HECW1: variants seen among roughly 807,000 people sequenced by gnomAD.
HECW1 encodes HECT, C2 and WW domain containing E3 ubiquitin protein ligase 1.
HECW1 carries 61 observed loss-of-function variants against 182.3 expected under a neutral mutation model. The observed-to-expected ratio is 0.33, with a 90% CI of 0.27 to 0.41. HECW1 has a LOEUF of 0.41. Among genes scored for constraint, HECW1 ranks in the 10% least tolerant of loss-of-function variants. The pLI is 1.00. For synonymous variants in HECW1, 859 were observed against 832.6 expected, an observed-to-expected ratio of 1.03 and a Z score of -0.55; for missense variants, 1,739 against 2,108.9, an observed-to-expected ratio of 0.82 and a Z score of 3.44.
intron 17 of HECW1, among the ~76,000 whole-genome samples, chr7:43,488,383 GAAGGAAGGAAGGAAGGAAAT>G (rs1366057546): frequency 1.4e-4 from 10 of 72,868 alleles, no homozygotes; most frequent in African/African-American, 4.9e-4. Context: ...AGGAAGGAAG[GAAGGAAGGAAGGAAGGAAAT>G]GAAAGAAAGA....
intron 7 of HECW1, among the ~76,000 whole-genome samples, chr7:43,405,316 C>T (rs140706775): frequency 1.1e-3 from 172 of 152,242 alleles, no homozygotes; most frequent in Non-Finnish European, 2.0e-3. Flanking sequence ...CTAGGTTCAA[C>T]AATTTGCTAG....
At chr7:43,186,702 A>G (rs1398887450) in intron 2 of HECW1, among the ~76,000 whole-genome samples, 1 of 151,780 alleles carries the variant, frequency 6.6e-6, no homozygotes, top group Non-Finnish European at 1.5e-5. Flanking sequence ...TTATCATACC[A>G]TAATTTGACT....
intron 2 of HECW1, among the ~76,000 whole-genome samples, chr7:43,233,882 A>G (rs1222770932): frequency 6.6e-6 from 1 of 152,242 alleles, no homozygotes; most frequent in African/African-American, 2.4e-5. Context: ...AGAAGCTGTG[A>G]TAGCCTCAAT....
At chr7:43,535,647 T>C (rs1036877554) in intron 24 of HECW1, among the ~76,000 whole-genome samples, 1 of 152,206 alleles carries the variant, frequency 6.6e-6, no homozygotes, top group African/African-American at 2.4e-5. Context: ...TTTTGCAGTG[T>C]ATTAAAGGAT....
At chr7:43,222,031 C>T (rs1312956538) in intron 2 of HECW1, among the ~76,000 whole-genome samples, 1 of 152,152 alleles carries the variant, frequency 6.6e-6, no homozygotes, top group African/African-American at 2.4e-5. Flanking sequence ...TCAGAATCTG[C>T]ATTTTAACAA....
intron 2 of HECW1, among the ~76,000 whole-genome samples, chr7:43,192,887 A>G (rs896112251): frequency 6.6e-6 from 1 of 152,190 alleles, no homozygotes; most frequent in African/African-American, 2.4e-5. Context: ...TCACAGGGTA[A>G]AGTGAAAGCA....
chr7:43,550,877 C>A (rs1165045599), intron 27 of HECW1, among the ~76,000 whole-genome samples: 1 of 152,246 alleles, frequency 6.6e-6, no homozygotes, highest in East Asian at 1.9e-4. Flanking sequence ...GTGAAAACAT[C>A]TAGCATCTCT....
At chr7:43,197,832 A>G (rs1337966985) in intron 2 of HECW1, among the ~76,000 whole-genome samples, 2 of 152,104 alleles carry the variant, frequency 1.3e-5, no homozygotes, top group Non-Finnish European at 2.9e-5. Flanking sequence ...AAGGATTTCA[A>G]GATGGCGACA....
chr7:43,163,449 T>C (rs1377529400), intron 2 of HECW1, among the ~76,000 whole-genome samples: 1 of 152,132 alleles, frequency 6.6e-6, no homozygotes, highest in African/African-American at 2.4e-5. Context: ...CTGCGAAGAC[T>C]GGGGAGATGG....
At chr7:43,407,882 G>A in intron 8 of HECW1, 151 bp downstream of exon 8, 1 of 684,996 alleles carries the variant, frequency 1.5e-6, no homozygotes, top group Non-Finnish European at 2.4e-6. Flanking sequence ...ATGTTCTCCA[G>A]GGGTTGCAAC....
At chr7:43,150,789 A>G (rs1376204416) in intron 2 of HECW1, 2 of 153,878 alleles carry the variant, frequency 1.3e-5, no homozygotes, top group African/African-American at 4.8e-5. Context: ...TAGGAGTCCC[A>G]AGTTGACACC....
At chr7:43,524,007 T>TA (rs5883870) in intron 24 of HECW1, among the ~76,000 whole-genome samples, 20,944 of 151,252 alleles carry the variant, frequency 0.14, 1,738 homozygotes, top group East Asian at 0.37. Context: ...TTTTTCATCT[T>TA]AAAAAAAAAG....
chr7:43,456,591 A>G, intron 13 of HECW1, 144 bp downstream of exon 13: 1 of 732,610 alleles, frequency 1.4e-6, no homozygotes, highest in Non-Finnish European at 2.0e-6. Context: ...TGTTCCTAGT[A>G]GGTATTTGGA....
intron 3 of HECW1, chr7:43,249,293 A>T (rs1584172657): frequency 6.6e-6 from 1 of 152,580 alleles, no homozygotes; most frequent in East Asian, 1.9e-4. Context: ...ACTGTTCCGG[A>T]GCGTCAGCCT....
chr7:43,525,569 C>T (rs1047401301), intron 24 of HECW1, among the ~76,000 whole-genome samples: 5 of 152,056 alleles, frequency 3.3e-5, no homozygotes, highest in East Asian at 1.9e-4. Flanking sequence ...TTAAAAATAG[C>T]GCAGCTGAAA....
chr7:43,541,138 T>C, intron 24 of HECW1, 25 bp from the exon 25 acceptor site: 1 of 1,574,884 alleles, frequency 6.3e-7, no homozygotes, highest in Non-Finnish European at 8.7e-7. Flanking sequence ...CACTTACCGA[T>C]TTCTCTGCCT....
At chr7:43,266,739 A>G (rs1801843573) in intron 3 of HECW1, among the ~76,000 whole-genome samples, 1 of 152,216 alleles carries the variant, frequency 6.6e-6, no homozygotes, top group African/African-American at 2.4e-5. Flanking sequence ...GAATAAATGT[A>G]AATAAATATC....
chr7:43,338,724 G>A (rs535995797), intron 5 of HECW1, among the ~76,000 whole-genome samples: 27 of 152,072 alleles, frequency 1.8e-4, no homozygotes, highest in South Asian at 1.5e-3. Flanking sequence ...CGTAAACAGC[G>A]CTCAAATCAA....
intron 3 of HECW1, among the ~76,000 whole-genome samples, chr7:43,264,709 TGGC>T (rs1487218221): frequency 1.3e-5 from 2 of 151,874 alleles, no homozygotes; most frequent in African/African-American, 2.4e-5. Context: ...CCAGGTGTGG[TGGC>T]GGGCACCTGT....
Sources: allele counts gnomAD v4.1 joint callset (sites outside exome capture counted in the v4.1 genomes callset), GRCh38; gene constraint gnomAD v4.1.1; transcripts MANE v1.5; gene names NCBI Gene and HGNC (gene_info 2026-07-23, HGNC 2026-07-21).